The following RYR2 variants were observed in gnomAD, a reference collection of about 807,000 sequenced individuals.
RYR2 encodes the protein ryanodine receptor 2, also known as cardiac muscle ryanodine receptor-calcium release channel.
In RYR2, 227 loss-of-function variants were observed where a neutral mutation model predicts 601.1. The observed-to-expected ratio is 0.38, with a 90% confidence interval of 0.34 to 0.42. RYR2 has a LOEUF of 0.42. Among genes scored for constraint, RYR2 ranks in the 10% least tolerant of loss-of-function variants. The pLI is 1.00. For synonymous variants in RYR2, 2,223 were observed against 2,175.1 expected (o/e 1.02, Z -0.61); for missense variants, 4,646 against 6,156.5 (o/e 0.75, Z 8.21).
chr1:237,818,167 C>T (rs1574076895), intron 100 of RYR2, among the ~76,000 whole-genome samples: 1 of 152,274 alleles, frequency 6.6e-6, no homozygotes, highest in Non-Finnish European at 1.5e-5. Context: ...TTGGATGCTC[C>T]AAGCCAGTGA....
intron 98 of RYR2, among the ~76,000 whole-genome samples, chr1:237,803,456 A>T (rs1485393984): frequency 1.3e-5 from 2 of 151,918 alleles, no homozygotes; most frequent in Admixed American, 6.6e-5. Context: ...GCCCGCCACC[A>T]CGCCCGGCTA....
At position 237,127,538 on chromosome 1, in the gene RYR2, C is replaced by T. The variant is rs376699945; in HGVS notation, c.48+84969C>T. Among the ~76,000 whole-genome samples the T allele has an allele frequency of 5.7e-3, 861 of 150,732 alleles. 4 individuals carry two copies. Among genetic ancestry groups the T allele is most frequent in the South Asian group, 0.025 (118 of 4,768 alleles). The stretch of plus-strand genomic sequence containing the variant: ...CTGATGCCCCCACCTCCCTCCCGGA[C>T]GGGGCGGCTGGCCTGGCGGGGGGCT... On this transcript the variant is annotated intron_variant, in intron 1 of 104. Transcript: ENST00000366574.
intron 1 of RYR2, among the ~76,000 whole-genome samples, chr1:237,225,684 T>C (rs1186963334): frequency 6.6e-6 from 1 of 151,560 alleles, no homozygotes; most frequent in Non-Finnish European, 1.5e-5. Context: ...GTAAAGGGAG[T>C]GAATGGGACA....
At chr1:237,219,386 C>T (rs1361631358) in intron 1 of RYR2, among the ~76,000 whole-genome samples, 2 of 152,078 alleles carry the variant, frequency 1.3e-5, no homozygotes, top group Admixed American at 6.6e-5. Flanking sequence ...TATCCCATTC[C>T]GACGTGTCAA....
chr1:237,715,225 C>T (rs990181503), intron 71 of RYR2, among the ~76,000 whole-genome samples: 1 of 152,130 alleles, frequency 6.6e-6, no homozygotes, highest in African/African-American at 2.4e-5. Flanking sequence ...CAGTGCGTGG[C>T]TTTGAATACA....
At chr1:237,583,033 A>T (rs545810724) in intron 29 of RYR2, among the ~76,000 whole-genome samples, 1 of 152,012 alleles carries the variant, frequency 6.6e-6, no homozygotes, top group Non-Finnish European at 1.5e-5. Flanking sequence ...CAACTTATTT[A>T]CATTCCCACC....
intron 66 of RYR2, among the ~76,000 whole-genome samples, chr1:237,703,169 T>A (rs949520333): frequency 2.0e-5 from 3 of 151,996 alleles, no homozygotes; most frequent in African/African-American, 7.2e-5. Flanking sequence ...AGGGTATGCC[T>A]GTATTACAGG....
chr1:237,204,503 C>CA lies in RYR2; in HGVS notation c.49-65979dup, dbSNP rs67002856. Among the ~76,000 whole-genome samples the CA allele has an allele frequency of 7.8e-3, 829 of 106,620 alleles. 4 individuals carry two copies. Among genetic ancestry groups the CA allele is most frequent in the African/African-American group, 0.015 (504 of 33,598 alleles). The allele number at this position is 106,620 out of a possible 152,430, so 69.9% of individuals were successfully genotyped here. ...CTTGTTACCAAAACAAAAACAAAAA[C>CA]AAAAAAAAAAAAAAAGAAAGAAAAC... On this transcript the variant is annotated intron_variant, in intron 1 of 104. Coordinates refer to ENST00000366574, the MANE Select transcript of RYR2 (RefSeq NM_001035.3).
At chr1:237,482,536 A>G (rs180683062) in intron 17 of RYR2, among the ~76,000 whole-genome samples, 6 of 152,162 alleles carry the variant, frequency 3.9e-5, no homozygotes, top group Non-Finnish European at 8.8e-5. Flanking sequence ...ACTGGATCAC[A>G]TTCTTTTTTA....
At chr1:237,810,906 C>T (rs1048605294) in intron 100 of RYR2, among the ~76,000 whole-genome samples, 2 of 151,964 alleles carry the variant, frequency 1.3e-5, no homozygotes, top group Admixed American at 6.6e-5. Context: ...CACAATAATT[C>T]ATATTTTTGA....
At chr1:237,225,768 C>T (rs933299464) in intron 1 of RYR2, among the ~76,000 whole-genome samples, 1 of 151,990 alleles carries the variant, frequency 6.6e-6, no homozygotes, top group Non-Finnish European at 1.5e-5. Flanking sequence ...AAAAGGGATC[C>T]CCTGTAGGCA....
At chr1:237,394,024 A>G (rs1434796120) in intron 10 of RYR2, among the ~76,000 whole-genome samples, 1 of 152,222 alleles carries the variant, frequency 6.6e-6, no homozygotes, top group Non-Finnish European at 1.5e-5. Context: ...AAAAACAGAC[A>G]ATAGATTAAA....
chr1:237,128,890 A>C (rs1671834248), intron 1 of RYR2, among the ~76,000 whole-genome samples: 1 of 152,174 alleles, frequency 6.6e-6, no homozygotes, highest in South Asian at 2.1e-4. Context: ...CAGAGGTTGG[A>C]TATGAGTAGA....
intron 3 of RYR2, among the ~76,000 whole-genome samples, chr1:237,349,927 AC>A (rs1326747828): frequency 6.6e-6 from 1 of 152,166 alleles, no homozygotes; most frequent in Non-Finnish European, 1.5e-5. Context: ...GTGTAACTAT[AC>A]CAAAAAGCAT....
At chr1:237,477,347 C>T (rs1661529579) in intron 17 of RYR2, among the ~76,000 whole-genome samples, 1 of 152,148 alleles carries the variant, frequency 6.6e-6, no homozygotes, top group Admixed American at 6.5e-5. Flanking sequence ...GCCGAGATCA[C>T]ACCACTGCAT....
intron 36 of RYR2, among the ~76,000 whole-genome samples, chr1:237,611,705 A>C (rs984524005): frequency 2.0e-5 from 3 of 152,214 alleles, no homozygotes; most frequent in African/African-American, 7.2e-5. Flanking sequence ...CTGAGTAAAA[A>C]CAAGTCATGA....
At chr1:237,264,267 T>G (rs1248603035) in intron 1 of RYR2, among the ~76,000 whole-genome samples, 1 of 152,206 alleles carries the variant, frequency 6.6e-6, no homozygotes, top group Non-Finnish European at 1.5e-5. Context: ...GAAGGTTTTC[T>G]ATTTTCTTTC....
chr1:237,599,127 G>T (rs1676214551), intron 34 of RYR2, among the ~76,000 whole-genome samples: 1 of 152,124 alleles, frequency 6.6e-6, no homozygotes, highest in Non-Finnish European at 1.5e-5. Context: ...TGAGGAAATT[G>T]TATCAATAAT....
chr1:237,106,287 C>T lies in RYR2; in HGVS notation c.48+63718C>T, dbSNP rs796181672. ...AGAACAGCTCCCCTGCACCAGCTCC[C>T]GCTGGGCTGCAGACAGGCTCTGATG... On this transcript the variant is annotated intron_variant, in intron 1 of 104. Transcript: ENST00000366574. The surrounding 1 kb of genome is among the most constrained non-coding windows in gnomAD (Gnocchi z 4.4). Among the ~76,000 whole-genome samples, 51 of 152,310 alleles carry T rather than the reference C, an allele frequency of 3.3e-4. No homozygotes were observed. Among genetic ancestry groups the T allele is most frequent in the African/African-American group, 1.2e-3 (49 of 41,572 alleles).
Sources: gnomAD v4.1 joint callset for allele counts (sites outside exome capture counted in the v4.1 genomes callset) on GRCh38, gnomAD v4.1.1 for gene constraint, Gnocchi (gnomAD v3.1) non-coding constraint, MANE v1.5 for transcripts, NCBI Gene and HGNC (gene_info 2026-07-23, HGNC 2026-07-21) for gene names.